The following CBFA2T2 variants were observed in gnomAD, a reference collection of about 807,000 sequenced individuals.
The protein encoded by CBFA2T2 is CBFA2/RUNX1 partner transcriptional co-repressor 2.
Under a neutral mutation model 62.2 loss-of-function variants are expected in CBFA2T2, and 11 were observed. The observed-to-expected ratio is 0.18, with a 90% CI of 0.11 to 0.29. CBFA2T2 has a LOEUF of 0.29. Among genes scored for constraint, CBFA2T2 ranks in the 10% least tolerant of loss-of-function variants. The pLI is 1.00. For synonymous variants in CBFA2T2, 295 were observed against 287.5 expected, an observed-to-expected ratio of 1.03 and a Z score of -0.27; for missense variants, 592 against 774.1, an observed-to-expected ratio of 0.76 and a Z score of 2.79.
intron 1 of CBFA2T2, among the ~76,000 whole-genome samples, chr20:33,493,317 C>T (rs1311853082): frequency 1.3e-5 from 2 of 152,076 alleles, no homozygotes; most frequent in Non-Finnish European, 1.5e-5. Flanking sequence ...CGCAGGTGAT[C>T]TGCCCGCCTC....
intron 5 of CBFA2T2, 124 bp downstream of exon 5, chr20:33,623,420 C>A: frequency 1.8e-6 from 2 of 1,117,214 alleles, no homozygotes; most frequent in Non-Finnish European, 2.6e-6. Context: ...TGAGACAAGG[C>A]CTGGCTCTGT....
At chr20:33,549,161 C>T (rs139991542) in intron 1 of CBFA2T2, among the ~76,000 whole-genome samples, 14 of 152,084 alleles carry the variant, frequency 9.2e-5, no homozygotes, top group African/African-American at 2.7e-4. Context: ...AGCATAATGT[C>T]AGAATAATCG....
chr20:33,495,357 G>A lies in CBFA2T2; in HGVS notation c.34+5056G>A, dbSNP rs528596689. On this transcript the variant is annotated intron_variant, in intron 1 of 10. Coordinates refer to ENST00000342704, the MANE Select transcript of CBFA2T2 (RefSeq NM_001032999.3). ...GCTGAGATCCCACCATTGCACTCCA[G>A]CCTGGGCAACAAGAGGGAAACTCTA... is the stretch of plus-strand genomic sequence containing the variant. Among the ~76,000 whole-genome samples the A allele has an allele frequency of 4.8e-5, 7 of 146,164 alleles. No homozygotes were observed. In the South Asian group the frequency reaches 1.5e-3, roughly 32 times the overall value.
chr20:33,648,143 G>T lies in CBFA2T2; in HGVS notation c.*3497G>T, dbSNP rs1478924802. Reference sequence around the variant, plus strand: ...CCTGCTTAGAGGACTGACCTCTACAGTTCATATTTGCAGTGACATAAAAGG... The same window carrying T: ...CCTGCTTAGAGGACTGACCTCTACATTTCATATTTGCAGTGACATAAAAGG... On this transcript the variant is annotated 3_prime_UTR_variant, in exon 11 of 11. Transcript: ENST00000342704. 1 of 152,216 alleles carries T rather than the reference G, an allele frequency of 6.6e-6. No individual in the cohort carries two copies. The highest frequency in any genetic ancestry group is 2.4e-5 in the African/African-American group (1 of 41,446). 9.4% of individuals were successfully genotyped at this position (152,216 alleles called of 1,614,324 possible).
At chr20:33,544,518 G>A (rs1240324201) in intron 1 of CBFA2T2, among the ~76,000 whole-genome samples, 1 of 152,014 alleles carries the variant, frequency 6.6e-6, no homozygotes, top group Non-Finnish European at 1.5e-5. Context: ...AGGGAATCTT[G>A]TCTATTTGAT....
chr20:33,520,448 A>G (rs955464272), intron 1 of CBFA2T2, among the ~76,000 whole-genome samples: 1 of 152,102 alleles, frequency 6.6e-6, no homozygotes, highest in Admixed American at 6.6e-5. Flanking sequence ...AACTTCTAAC[A>G]TATACTACTT....
intron 1 of CBFA2T2, among the ~76,000 whole-genome samples, chr20:33,500,263 A>G (rs1568786602): frequency 1.3e-5 from 2 of 151,680 alleles, no homozygotes; most frequent in Admixed American, 1.3e-4. Context: ...CCAAAAACCC[A>G]CTTTTTTTTA....
intron 6 of CBFA2T2, 82 bp downstream of exon 6, chr20:33,625,099 AT>A: frequency 7.1e-7 from 1 of 1,399,198 alleles, no homozygotes; most frequent in East Asian, 2.3e-5. Flanking sequence ...AAATAATATG[AT>A]TGCTTTTTCC....
intron 5 of CBFA2T2, 42 bp downstream of exon 5, chr20:33,623,338 C>T (rs1190517089): frequency 5.6e-6 from 9 of 1,599,618 alleles, no homozygotes; most frequent in Admixed American, 1.7e-5. Context: ...CCTGGAACCG[C>T]ACTGGTCCTC....
At chr20:33,523,539 A>G (rs1379323660) in intron 1 of CBFA2T2, among the ~76,000 whole-genome samples, 2 of 152,362 alleles carry the variant, frequency 1.3e-5, no homozygotes, top group South Asian at 2.1e-4. Flanking sequence ...GTTTTACTCC[A>G]TAAGGATCAC....
intron 1 of CBFA2T2, among the ~76,000 whole-genome samples, chr20:33,494,256 TATATATATATATATA>T (rs2011172919): frequency 6.5e-5 from 5 of 76,422 alleles, no homozygotes; most frequent in Non-Finnish European, 1.2e-4. Context: ...TATATATATA[TATATATATATATATA>T]TATTTTTTTT....
intron 4 of CBFA2T2, among the ~76,000 whole-genome samples, chr20:33,621,107 T>C (rs1010410234): frequency 6.6e-5 from 10 of 152,152 alleles, no homozygotes; most frequent in African/African-American, 2.2e-4. Flanking sequence ...TTTTACAGAA[T>C]ACAAGATAGT....
At chr20:33,613,261 C>G (rs891784645) in intron 3 of CBFA2T2, among the ~76,000 whole-genome samples, 2 of 152,156 alleles carry the variant, frequency 1.3e-5, no homozygotes, top group Admixed American at 6.5e-5. Context: ...TTTGGGTTAT[C>G]TGACATTTAA....
intron 1 of CBFA2T2, among the ~76,000 whole-genome samples, chr20:33,595,648 C>T (rs1356731855): frequency 6.6e-6 from 1 of 152,004 alleles, no homozygotes. Flanking sequence ...GCCTCCCAGG[C>T]TCAGGCAATC....
chr20:33,580,985 T>C (rs1206974232), intron 1 of CBFA2T2, among the ~76,000 whole-genome samples: 1 of 152,062 alleles, frequency 6.6e-6, no homozygotes, highest in Admixed American at 6.6e-5. Context: ...TTGGAATGAG[T>C]ATATATGTCT....
chr20:33,490,147 C>G lies in CBFA2T2; in HGVS notation c.-121C>G. 9.8e-7 allele frequency: 1 copy of G among 1,023,922 alleles called. No individual in the cohort carries two copies. The highest frequency in any genetic ancestry group is 1.2e-6 in the Non-Finnish European group (1 of 813,434). The allele number at this position is 1,023,922 out of a possible 1,614,324, so 63.4% of individuals were successfully genotyped here. A position where few individuals can be genotyped will look rare whatever the true frequency, so the allele number is the denominator to read the frequency against. On this transcript the variant is annotated 5_prime_UTR_variant, in exon 1 of 11. Coordinates refer to ENST00000342704, the MANE Select transcript of CBFA2T2 (RefSeq NM_001032999.3). The stretch of plus-strand genomic sequence containing the variant: ...CGGTGGTGGTGTCTGGTTAGCTCGG[C>G]GGCTGCAGATCTCGCGGCGACGCCT...
intron 1 of CBFA2T2, among the ~76,000 whole-genome samples, chr20:33,584,716 G>T (rs996705795): frequency 6.6e-6 from 1 of 152,110 alleles, no homozygotes; most frequent in South Asian, 2.1e-4. Flanking sequence ...TTGTAAAATG[G>T]TGTGCAGTTT....
At position 33,648,211 on chromosome 20, in the gene CBFA2T2, C is replaced by T. The variant is rs973611272; in HGVS notation, c.*3565C>T. 3 of 152,240 alleles carry T rather than the reference C, an allele frequency of 2.0e-5. No homozygotes were observed. Among genetic ancestry groups the T allele is most frequent in the African/African-American group, 7.2e-5 (3 of 41,432 alleles). 9.4% of individuals were successfully genotyped at this position (152,240 alleles called of 1,614,324 possible). ...GGTGGTACAGAAGGTATCAGTCAAG[C>T]GCAGGCTCTTCAGAAACCTAGAAAC... On this transcript the variant is annotated 3_prime_UTR_variant, in exon 11 of 11. Transcript: ENST00000342704.
At chr20:33,590,689 T>A (rs556037797) in intron 1 of CBFA2T2, among the ~76,000 whole-genome samples, 46 of 152,338 alleles carry the variant, frequency 3.0e-4, no homozygotes, top group African/African-American at 9.6e-4. Context: ...TATTGTCCTG[T>A]GGCTTCCCAT....
Sources: gnomAD v4.1 joint callset for allele counts (sites outside exome capture counted in the v4.1 genomes callset) on GRCh38, gnomAD v4.1.1 for gene constraint, MANE v1.5 for transcripts, NCBI Gene and HGNC (gene_info 2026-07-23, HGNC 2026-07-21) for gene names.